CDNF: variants seen among roughly 807,000 people sequenced by gnomAD.
CDNF encodes cerebral dopamine neurotrophic factor.
CDNF carries 9 observed loss-of-function variants against 14.8 expected under a neutral mutation model. The ratio of observed to expected loss-of-function variants is 0.61; its 90% CI spans 0.37 to 1.06. The LOEUF is 1.06. CDNF is among the 50% of genes least tolerant of loss of function. The pLI is 0.01. For synonymous variants in CDNF, 86 were observed against 87.2 expected (o/e 0.99, Z 0.07); for missense variants, 228 against 228.4 (o/e 1.00, Z 0.01).
At chr10:14,826,095 AAGCAGCAGCAGCAGCAGC>A (rs71505046) in intron 2 of CDNF, among the ~76,000 whole-genome samples, 2 of 87,542 alleles carry the variant, frequency 2.3e-5, no homozygotes, top group African/African-American at 1.0e-4. Context: ...GAAGAAGAAG[AAGCAGCAGCAGCAGCAGC>A]AGCAGCAGCA....
chr10:14,825,552 A>C lies in CDNF; in HGVS notation c.312T>G (p.Ser104Arg). 1.2e-6 allele frequency: 2 copies of C among 1,614,002 alleles called. No individual in the cohort carries two copies. The highest frequency in any genetic ancestry group is 1.7e-6 in the Non-Finnish European group (2 of 1,179,990). The change falls in exon 3 of 4, where the codon AGT becomes AGG. Residue 104 changes from serine to arginine, a missense_variant. Physicochemically the swap from Ser to Arg is moderately radical, Grantham distance 110 (BLOSUM62 -1). Coordinates refer to ENST00000465530, the MANE Select transcript of CDNF (RefSeq NM_001029954.3). ...KILSEVTRPM[S>R]VHMPAMKICE... ...AAATCTTCATTGCAGGCATATGCAC[A>C]CTCATTGGGCGAGTGACTTCACTTA...
intron 3 of CDNF, among the ~76,000 whole-genome samples, chr10:14,825,079 G>A (rs773085065): frequency 2.6e-5 from 4 of 151,762 alleles, no homozygotes; most frequent in Admixed American, 6.6e-5. Context: ...TCAGCCTCCC[G>A]AGTAGGTGGG....
intron 1 of CDNF, among the ~76,000 whole-genome samples, chr10:14,831,256 G>T (rs1313860090): frequency 6.6e-6 from 1 of 152,092 alleles, no homozygotes; most frequent in Non-Finnish European, 1.5e-5. Context: ...CTTCAGTTCA[G>T]ATCACCTGGC....
chr10:14,832,588 T>G (rs1002876931), intron 1 of CDNF, among the ~76,000 whole-genome samples: 1 of 152,178 alleles, frequency 6.6e-6, no homozygotes, highest in Admixed American at 6.5e-5. Flanking sequence ...CTCAAAATAG[T>G]TGCATCTCTT....
intron 2 of CDNF, among the ~76,000 whole-genome samples, chr10:14,826,384 G>A (rs1391580279): frequency 6.6e-6 from 1 of 151,404 alleles, no homozygotes; most frequent in Admixed American, 6.6e-5. Flanking sequence ...AGCAGCAGAA[G>A]AAGAAGCAGA....
intron 3 of CDNF, among the ~76,000 whole-genome samples, chr10:14,821,001 CTT>C (rs1833733752): frequency 6.6e-6 from 1 of 152,184 alleles, no homozygotes; most frequent in African/African-American, 2.4e-5. Flanking sequence ...GCCTCTTCCT[CTT>C]TGCCTTCTGC....
chr10:14,827,940 G>A (rs1386975525), intron 2 of CDNF, among the ~76,000 whole-genome samples: 1 of 152,112 alleles, frequency 6.6e-6, no homozygotes, highest in Non-Finnish European at 1.5e-5. Context: ...GGTGTACTCA[G>A]AAAGTAAAGT....
Position 14,825,736 on chromosome 10 carries a change from C to T in CDNF, c.244-116G>A, listed in dbSNP as rs940887131. Reference sequence around the variant, plus strand: ...GAGGTAGGCTGGACATGGTGGCTCACGCCTGTAATCCCAGCACTTTGGGAG... The same window carrying T: ...GAGGTAGGCTGGACATGGTGGCTCATGCCTGTAATCCCAGCACTTTGGGAG... On this transcript the variant is annotated intron_variant, in intron 2 of 3. Coordinates refer to ENST00000465530, the MANE Select transcript of CDNF (RefSeq NM_001029954.3). The T allele has an allele frequency of 3.1e-5, 34 of 1,093,608 alleles. No individual in the cohort carries two copies. In the Middle Eastern group the frequency reaches 7.5e-4, roughly 24 times the overall value. The allele number at this position is 1,093,608 out of a possible 1,614,324, so 67.7% of individuals were successfully genotyped here. A position where few individuals can be genotyped will look rare whatever the true frequency, so the allele number is the denominator to read the frequency against.
intron 2 of CDNF, among the ~76,000 whole-genome samples, chr10:14,826,795 G>T (rs1833800365): frequency 6.6e-6 from 1 of 152,082 alleles, no homozygotes. Flanking sequence ...CCAACTGAAG[G>T]TCCCCAGATC....
intron 1 of CDNF, among the ~76,000 whole-genome samples, chr10:14,830,833 T>G (rs1333218994): frequency 1.3e-5 from 2 of 151,854 alleles, no homozygotes; most frequent in Non-Finnish European, 2.9e-5. Flanking sequence ...GCGACAAGAG[T>G]GAAACTCCGT....
chr10:14,821,150 A>C (rs1183432017), intron 3 of CDNF, among the ~76,000 whole-genome samples: 1 of 150,646 alleles, frequency 6.6e-6, no homozygotes, highest in Non-Finnish European at 1.5e-5. Context: ...TTTGAGACGG[A>C]GTCTCGCTTA....
chr10:14,823,663 G>A (rs761865221), intron 3 of CDNF, among the ~76,000 whole-genome samples: 1 of 152,096 alleles, frequency 6.6e-6, no homozygotes, highest in Non-Finnish European at 1.5e-5. Flanking sequence ...GAGTAGTTAG[G>A]ACTATAGGCG....
In CDNF at chr10:14,825,993, A is replaced by C. The variant is rs550177061; in HGVS notation, c.244-373T>G. Among the ~76,000 whole-genome samples the C allele has an allele frequency of 1.5e-4, 22 of 145,968 alleles. No homozygotes were observed. In the East Asian group the frequency reaches 2.2e-3, roughly 15 times the overall value. On this transcript the variant is annotated intron_variant, in intron 2 of 3. Transcript: ENST00000465530. ...AGAAAAGAAGAAGAAGGAGAAGAAG[A>C]AGCAGCAGAAGAAGCAGAAGCAGAA...
At position 14,826,338 on chromosome 10, in the gene CDNF, CAGCAGA is replaced by C. The variant is rs879669208; in HGVS notation, c.244-724_244-719del. ...GCAGCAGAAGTGGAGGAATCAGAAG[CAGCAGA>C]AGCAGAAGCAGCAGAAGCAGAAGAA... On this transcript the variant is annotated intron_variant, in intron 2 of 3. Coordinates refer to ENST00000465530, the MANE Select transcript of CDNF (RefSeq NM_001029954.3). 6.3e-3 allele frequency among the ~76,000 whole-genome samples: 889 copies of C among 141,168 alleles called. 12 individuals carry two copies. The highest frequency in any genetic ancestry group is 0.02 in the African/African-American group (768 of 37,638). 92.6% of individuals were successfully genotyped at this position (141,168 alleles called of 152,430 possible). A position where few individuals can be genotyped will look rare whatever the true frequency, so the allele number is the denominator to read the frequency against.
At chr10:14,833,687 G>A (rs2131628236) in intron 1 of CDNF, among the ~76,000 whole-genome samples, 1 of 152,026 alleles carries the variant, frequency 6.6e-6, no homozygotes, top group Admixed American at 6.6e-5. Context: ...ATATAAATCT[G>A]GAAGCCATCA....
chr10:14,820,126 G>A lies in CDNF; in HGVS notation c.418C>T (p.Arg140Trp), dbSNP rs1833725746. The part of the protein sequence containing the change: ...KTLDLASVDL[R>W]KMRVAELKQI... ...TTCAGCTCTGCCACTCTCATCTTCCGCAGGTCAACTGATGCCAAGTCCAGT... is the reference window on the plus strand; with the variant it reads ...TTCAGCTCTGCCACTCTCATCTTCCACAGGTCAACTGATGCCAAGTCCAGT... Residue 140 changes from arginine to tryptophan, a missense_variant, in exon 4 of 4, where the codon CGG becomes TGG. By Grantham distance (101) the Arg-to-Trp change is moderately radical (BLOSUM62 -3). Coordinates refer to ENST00000465530, the MANE Select transcript of CDNF (RefSeq NM_001029954.3). 6.8e-6 allele frequency: 11 copies of A among 1,613,962 alleles called. No individual in the cohort carries two copies. Among genetic ancestry groups the A allele is most frequent in the South Asian group, 4.4e-5 (4 of 91,054 alleles).
At chr10:14,831,433 C>G (rs1833842254) in intron 1 of CDNF, among the ~76,000 whole-genome samples, 2 of 150,534 alleles carry the variant, frequency 1.3e-5, no homozygotes, top group Admixed American at 1.3e-4. Context: ...GATGACTGGC[C>G]AATCATGTCA....
At chr10:14,837,763 GC>G (rs1554765015) in intron 1 of CDNF, 68 bp downstream of exon 1, 2 of 941,608 alleles carry the variant, frequency 2.1e-6, no homozygotes, top group Non-Finnish European at 3.2e-6. Context: ...GCCAGGAGAA[GC>G]CAAAGCCGAC....
intron 3 of CDNF, among the ~76,000 whole-genome samples, chr10:14,822,841 G>A (rs1228302618): frequency 1.3e-5 from 2 of 152,122 alleles, no homozygotes; most frequent in Non-Finnish European, 2.9e-5. Flanking sequence ...AAAGACTTTT[G>A]TATTTAGAGG....
Sources: gnomAD v4.1 joint callset for allele counts (sites outside exome capture counted in the v4.1 genomes callset) on GRCh38, gnomAD v4.1.1 for gene constraint, MANE v1.5 for transcripts, NCBI Gene and HGNC (gene_info 2026-07-23, HGNC 2026-07-21) for gene names.